The following KLRD1 variants were observed in gnomAD, a reference collection of about 807,000 sequenced individuals.
KLRD1 encodes the protein natural killer cells antigen CD94.
In KLRD1, 21 loss-of-function variants were observed where a neutral mutation model predicts 22.6. The observed-to-expected ratio is 0.93, with a 90% CI of 0.66 to 1.34. The LOEUF (loss-of-function observed/expected upper bound fraction) is 1.34. Among genes scored for constraint, KLRD1 ranks in the 40% most tolerant of loss-of-function variants. The pLI is 0.00. For missense variants in KLRD1, 183 were observed against 208.6 expected, an observed-to-expected ratio of 0.88 and a Z score of 0.76; for synonymous variants, 59 against 71.1, an observed-to-expected ratio of 0.83 and a Z score of 0.85.
chr12:10,275,311 A>G (rs1949583187), intron 1 of KLRD1, among the ~76,000 whole-genome samples: 1 of 152,118 alleles, frequency 6.6e-6, no homozygotes, highest in African/African-American at 2.4e-5. Flanking sequence ...TAATTTATTC[A>G]TGGTAAATCA....
At chr12:10,293,859 C>T (rs1949799050) in intron 1 of KLRD1, among the ~76,000 whole-genome samples, 1 of 152,112 alleles carries the variant, frequency 6.6e-6, no homozygotes, top group South Asian at 2.1e-4. Context: ...AGGGAGGTCC[C>T]TAAGCTATTT....
At chr12:10,262,800 A>G (rs1949465823) in intron 1 of KLRD1, among the ~76,000 whole-genome samples, 1 of 152,002 alleles carries the variant, frequency 6.6e-6, no homozygotes, top group East Asian at 1.9e-4. Context: ...CACACAATTT[A>G]TGCATTCATT....
At chr12:10,241,167 C>G (rs11053699) in intron 1 of KLRD1, among the ~76,000 whole-genome samples, 24,734 of 151,978 alleles carry the variant, frequency 0.16, 2,581 homozygotes, top group Non-Finnish European at 0.24. Context: ...ATTCATGACA[C>G]AAAACGTTGA....
intron 1 of KLRD1, among the ~76,000 whole-genome samples, chr12:10,278,113 T>C (rs1949608181): frequency 6.6e-6 from 1 of 152,208 alleles, no homozygotes; most frequent in African/African-American, 2.4e-5. Flanking sequence ...TCCTATTGTT[T>C]TCTGGAGGAG....
chr12:10,293,846 A>T (rs1949798990), intron 1 of KLRD1, among the ~76,000 whole-genome samples: 1 of 152,242 alleles, frequency 6.6e-6, no homozygotes, highest in African/African-American at 2.4e-5. Flanking sequence ...AACAGCAGGG[A>T]CAAGGGAGGT....
chr12:10,325,615 T>C lies in KLRD1; in HGVS notation c.*10822T>C, dbSNP rs140581775. The stretch of plus-strand genomic sequence containing the variant: ...GATATTTCACGTAAGTGGAATCATA[T>C]AGTATTTATCCTGTGACTTGTTTAT... On this transcript the variant is annotated 3_prime_UTR_variant, in exon 6 of 6. Transcript: ENST00000336164. 2 of 152,378 alleles carry C rather than the reference T, an allele frequency of 1.3e-5. No homozygotes were observed. Among genetic ancestry groups the C allele is most frequent in the Admixed American group, 1.3e-4 (2 of 15,308 alleles). The allele number at this position is 152,378 out of a possible 1,614,324, so 9.4% of individuals were successfully genotyped here.
intron 1 of KLRD1, among the ~76,000 whole-genome samples, chr12:10,285,453 C>T (rs1423554259): frequency 6.6e-6 from 1 of 152,200 alleles, no homozygotes; most frequent in Non-Finnish European, 1.5e-5. Flanking sequence ...ACCATTCTGT[C>T]ATGATAAGGG....
Position 10,323,751 on chromosome 12 carries a change from T to C in KLRD1, c.*8958T>C, listed in dbSNP as rs913313668. 22 of 152,216 alleles carry C rather than the reference T, an allele frequency of 1.4e-4. No individual in the cohort carries two copies. Among genetic ancestry groups the C allele is most frequent in the African/African-American group, 5.3e-4 (22 of 41,536 alleles). 9.4% of individuals were successfully genotyped at this position (152,216 alleles called of 1,614,324 possible). ...TATGTTTTATATAGATAGAATCATATAATATGTACATCTGTGTTCTAGATT... is the reference window on the plus strand; with the variant it reads ...TATGTTTTATATAGATAGAATCATACAATATGTACATCTGTGTTCTAGATT... On this transcript the variant is annotated 3_prime_UTR_variant, in exon 6 of 6. Transcript: ENST00000336164.
chr12:10,310,714 G>A (rs974421549), intron 3 of KLRD1, among the ~76,000 whole-genome samples: 5 of 152,192 alleles, frequency 3.3e-5, no homozygotes, highest in Non-Finnish European at 5.9e-5. Context: ...GAACCTGGGA[G>A]GCGGAGGTTG....
At chr12:10,277,741 ATTAC>A (rs900331112) in intron 1 of KLRD1, among the ~76,000 whole-genome samples, 139 of 152,286 alleles carry the variant, frequency 9.1e-4, no homozygotes, top group African/African-American at 2.9e-3. Flanking sequence ...ATTTTATGAT[ATTAC>A]TTCAATTAGT....
intron 1 of KLRD1, among the ~76,000 whole-genome samples, chr12:10,277,137 T>TTA (rs1949599787): frequency 6.7e-6 from 1 of 148,676 alleles, no homozygotes; most frequent in South Asian, 2.1e-4. Flanking sequence ...TTTTTTTTTT[T>TTA]AGATATTTGA....
chr12:10,291,126 C>T (rs1949766461), intron 1 of KLRD1, among the ~76,000 whole-genome samples: 1 of 152,152 alleles, frequency 6.6e-6, no homozygotes, highest in Non-Finnish European at 1.5e-5. Flanking sequence ...ATCTAAAAAA[C>T]AATGTACATA....
chr12:10,313,763 A>C (rs1950155462), intron 5 of KLRD1, among the ~76,000 whole-genome samples: 1 of 152,140 alleles, frequency 6.6e-6, no homozygotes, highest in Non-Finnish European at 1.5e-5. Flanking sequence ...TAGTTGGTGC[A>C]AAAAAATACT....
chr12:10,262,062 A>G (rs1350135924), intron 1 of KLRD1, among the ~76,000 whole-genome samples: 1 of 152,128 alleles, frequency 6.6e-6, no homozygotes, highest in African/African-American at 2.4e-5. Context: ...TTTTAAGGTC[A>G]TATTTTAATC....
intron 3 of KLRD1, among the ~76,000 whole-genome samples, chr12:10,309,963 A>G (rs938927379): frequency 6.6e-6 from 1 of 152,226 alleles, no homozygotes; most frequent in Non-Finnish European, 1.5e-5. Context: ...AGTAACAAAA[A>G]ATAAACCACA....
intron 1 of KLRD1, among the ~76,000 whole-genome samples, chr12:10,261,662 A>G (rs1313412910): frequency 1.3e-5 from 2 of 152,218 alleles, no homozygotes; most frequent in African/African-American, 2.4e-5. Context: ...TCAGCAAAGC[A>G]TAATGACTAT....
rs1950369413 is a variant in KLRD1 at position 10,327,222 on chromosome 12, C to G, written c.*12429C>G. 6.6e-6 allele frequency: 1 copy of G among 152,134 alleles called. No homozygotes were observed. The highest frequency in any genetic ancestry group is 1.5e-5 in the Non-Finnish European group (1 of 68,012). The allele number at this position is 152,134 out of a possible 1,614,324, so 9.4% of individuals were successfully genotyped here. A position where few individuals can be genotyped will look rare whatever the true frequency, so the allele number is the denominator to read the frequency against. On this transcript the variant is annotated 3_prime_UTR_variant, in exon 6 of 6. Transcript: ENST00000336164. ...TAACCATATTTGCAAAGTTTATTCCCAAGTTCTCCAATCTGTTTAATTGGT... is the reference window on the plus strand; with the variant it reads ...TAACCATATTTGCAAAGTTTATTCCGAAGTTCTCCAATCTGTTTAATTGGT...
rs570340902 is a variant in KLRD1, at chr12:10,320,779, A to G, written c.*5986A>G. 2.6e-5 allele frequency: 4 copies of G among 152,336 alleles called. No homozygotes were observed. The highest frequency in any genetic ancestry group is 7.2e-5 in the African/African-American group (3 of 41,580). The allele number at this position is 152,336 out of a possible 1,614,324, so 9.4% of individuals were successfully genotyped here. ...GACTGAAATTTCCTGTAAATATCAT[A>G]GAAAGAACACAAGTAGTGCCTCAAT... On this transcript the variant is annotated 3_prime_UTR_variant, in exon 6 of 6. Coordinates refer to ENST00000336164, the MANE Select transcript of KLRD1 (RefSeq NM_002262.5).
At chr12:10,252,473 CAGCCTG>C (rs1427524841) in intron 1 of KLRD1, among the ~76,000 whole-genome samples, 1 of 152,084 alleles carries the variant, frequency 6.6e-6, no homozygotes, top group Non-Finnish European at 1.5e-5. Context: ...TACTGTACTC[CAGCCTG>C]AGCAACAAAA....
Sources: gnomAD v4.1 joint callset for allele counts (sites outside exome capture counted in the v4.1 genomes callset) on GRCh38, gnomAD v4.1.1 for gene constraint, MANE v1.5 for transcripts, NCBI Gene and HGNC (gene_info 2026-07-23, HGNC 2026-07-21) for gene names.